Variants in ERF observed in about 807,000 individuals in gnomAD.
ERF encodes ETS2 repressor factor, also known as ETS domain-containing transcription factor ERF.
In ERF, 10 loss-of-function variants were observed where a neutral mutation model predicts 41.6. The ratio of observed to expected loss-of-function variants is 0.24; its 90% CI spans 0.15 to 0.41. The LOEUF (loss-of-function observed/expected upper bound fraction) is 0.41, where lower values mean the gene tolerates loss of function less well. Among genes scored for constraint, ERF ranks in the 10% least tolerant of loss-of-function variants. The pLI is 1.00. For missense variants in ERF, 621 were observed against 763.2 expected, an observed-to-expected ratio of 0.81 and a Z score of 2.19; for synonymous variants, 395 against 342.4, an observed-to-expected ratio of 1.15 and a Z score of -1.70.
Position 42,250,927 on chromosome 19 carries a change from G to T in ERF, c.23-362C>A, listed in dbSNP as rs916321038. ...GGCACACGTGGCCAGCCGGGTTGGGGTACAGCCCCCCAGCTTACCCCCACT... is the reference window on the plus strand; with the variant it reads ...GGCACACGTGGCCAGCCGGGTTGGGTTACAGCCCCCCAGCTTACCCCCACT... On this transcript the variant is annotated intron_variant, in intron 1 of 3. Transcript: ENST00000222329. This position sits in a 1 kb window ranked among gnomAD's most constrained non-coding sequence, Gnocchi z 5.1. 6.6e-6 allele frequency among the ~76,000 whole-genome samples: 1 copy of T among 152,092 alleles called. No individual in the cohort carries two copies. Among genetic ancestry groups the T allele is most frequent in the Non-Finnish European group, 1.5e-5 (1 of 67,998 alleles).
chr19:42,248,249 C>T lies in ERF; in HGVS notation c.*216G>A, dbSNP rs1248188322. On this transcript the variant is annotated 3_prime_UTR_variant, in exon 4 of 4. Transcript: ENST00000222329. This position sits in a 1 kb window ranked among gnomAD's most constrained non-coding sequence, Gnocchi z 4.2. ...CCACTTTGCCCAGAGCTTAGAAACCCACAGAGACAGGGAATAGCCCCTAGC... is the reference window on the plus strand; with the variant it reads ...CCACTTTGCCCAGAGCTTAGAAACCTACAGAGACAGGGAATAGCCCCTAGC... The T allele has an allele frequency of 3.9e-6, 1 of 257,744 alleles. No individual in the cohort carries two copies. The highest frequency in any genetic ancestry group is 2.3e-5 in the African/African-American group (1 of 43,684). The allele number at this position is 257,744 out of a possible 1,614,324, so 16.0% of individuals were successfully genotyped here.
At chr19:42,252,617 C>T (rs1045913961) in intron 1 of ERF, among the ~76,000 whole-genome samples, 1 of 152,164 alleles carries the variant, frequency 6.6e-6, no homozygotes, top group Admixed American at 6.5e-5. Flanking sequence ...TCCTCCAGGG[C>T]CTGGACCCTG....
intron 1 of ERF, 149 bp downstream of exon 1, chr19:42,254,829 C>T: frequency 1.1e-6 from 1 of 926,636 alleles, no homozygotes; most frequent in South Asian, 2.1e-5. Flanking sequence ...GCTCGCGCCA[C>T]GAGAAGCAAC....
In ERF at chr19:42,248,632, G is replaced by A. The variant is rs1412097931; in HGVS notation, c.1480C>T (p.Leu494Phe). 2 of 1,587,352 alleles carry A rather than the reference G, an allele frequency of 1.3e-6. No individual in the cohort carries two copies. The highest frequency in any genetic ancestry group is 1.7e-6 in the Non-Finnish European group (2 of 1,163,770). The change falls in exon 4 of 4, where the codon CTC becomes TTC. Residue 494 changes from leucine (L) to phenylalanine (F), a missense_variant. Around this residue, in one of 3 missense-constraint regions of ERF, gnomAD observed 569 missense variants for 625.5 expected, o/e 0.91. Transcript: ENST00000222329. The surrounding 1 kb of genome is among the most constrained non-coding windows in gnomAD (Gnocchi z 4.2). ...FKRRWSEDCR[L>F]EGGGGPAGGF... ...CCAGCGGGGCCCCCACCCCCTTCGA[G>A]GCGACAGTCTTCACTCCAGCGCCGC...
In ERF at chr19:42,248,304, T is replaced by C. The variant is rs921477280; in HGVS notation, c.*161A>G. 3.3e-6 allele frequency: 2 copies of C among 614,552 alleles called. No homozygotes were observed. Among genetic ancestry groups the C allele is most frequent in the African/African-American group, 3.9e-5 (2 of 51,810 alleles). The allele number at this position is 614,552 out of a possible 1,614,324, so 38.1% of individuals were successfully genotyped here. On this transcript the variant is annotated 3_prime_UTR_variant, in exon 4 of 4. Coordinates refer to ENST00000222329, the MANE Select transcript of ERF (RefSeq NM_006494.4). The surrounding 1 kb of genome is among the most constrained non-coding windows in gnomAD (Gnocchi z 4.2). ...GGCACCCACCCACCCCCACCATTTT[T>C]AAAAAAAAGAAATTAAAGTTTTATA...
At position 42,249,663 on chromosome 19, in the gene ERF, G is replaced by A; in HGVS notation, c.449C>T (p.Ser150Phe). ...SHFRFPPSTP[S>F]EVLSPTEDPR... ...GTCCTCGGTGGGGGACAGCACCTCGGAGGGCGTTGAGGGAGGGAAGCGGAA... is the reference window on the plus strand; with the variant it reads ...GTCCTCGGTGGGGGACAGCACCTCGAAGGGCGTTGAGGGAGGGAAGCGGAA... The change falls in exon 4 of 4, where the codon TCC becomes TTC. Residue 150 changes from serine to phenylalanine, a missense_variant. By Grantham distance (155) the Ser-to-Phe change is radical (BLOSUM62 -2). Around this residue, in one of 3 missense-constraint regions of ERF, gnomAD observed 569 missense variants for 625.5 expected, o/e 0.91. Coordinates refer to ENST00000222329, the MANE Select transcript of ERF (RefSeq NM_006494.4). The surrounding 1 kb of genome is among the most constrained non-coding windows in gnomAD (Gnocchi z 8.6). The A allele has an allele frequency of 6.2e-7, 1 of 1,603,422 alleles. No homozygotes were observed. The highest frequency in any genetic ancestry group is 8.5e-7 in the Non-Finnish European group (1 of 1,173,786).
chr19:42,249,754 C>T lies in ERF; in HGVS notation c.374-16G>A, dbSNP rs2036412787. 8 of 1,609,948 alleles carry T rather than the reference C, an allele frequency of 5.0e-6. No individual in the cohort carries two copies. The highest frequency in any genetic ancestry group is 1.7e-5 in the Admixed American group (1 of 59,864). On this transcript the variant is annotated splice_polypyrimidine_tract_variant and intron_variant, in intron 3 of 3. Transcript: ENST00000222329. This position sits in a 1 kb window ranked among gnomAD's most constrained non-coding sequence, Gnocchi z 8.6. ...ACTGCACCCCCTGGCAGAAGGGAGA[C>T]AGTGTCAAGGCCCCTGGCCTAGCCT...
intron 1 of ERF, among the ~76,000 whole-genome samples, chr19:42,253,529 T>C (rs867650429): frequency 4.6e-5 from 7 of 151,666 alleles, no homozygotes; most frequent in Middle Eastern, 3.4e-3. Flanking sequence ...TGAAGCGAGG[T>C]TGTCTGGGTG....
chr19:42,253,903 T>C (rs1467968269), intron 1 of ERF: 1 of 1,068,676 alleles, frequency 9.4e-7, no homozygotes, highest in Non-Finnish European at 1.1e-6. Flanking sequence ...AGGAAACAAG[T>C]TTGAACAGCG....
In ERF at chr19:42,249,342, C is replaced by A. The variant is rs986489946; in HGVS notation, c.770G>T (p.Gly257Val). ...GGAGAGCTGAGGGGGCAGCAGGGAT[C>A]CAGGACCGGCCAGAGGCGACACAGG... ...PFPVSPLAGPGSLLPPQLSPA... is the reference protein window; with the variant it reads ...PFPVSPLAGPVSLLPPQLSPA... The change falls in exon 4 of 4, where the codon GGA (glycine) becomes GTA (valine). Residue 257 changes from glycine to valine, a missense_variant. Gly to Val is a moderately radical substitution (Grantham distance 109). Coordinates refer to ENST00000222329, the MANE Select transcript of ERF (RefSeq NM_006494.4). This position sits in a 1 kb window ranked among gnomAD's most constrained non-coding sequence, Gnocchi z 8.6. 2.5e-6 allele frequency: 4 copies of A among 1,579,762 alleles called. No individual in the cohort carries two copies. The highest frequency in any genetic ancestry group is 2.3e-5 in the East Asian group (1 of 43,704).
rs751267889 is a variant in ERF, at chr19:42,249,490, G to A, written c.622C>T (p.Pro208Ser). Residue 208 changes from proline (P) to serine (S), a missense_variant, in exon 4 of 4, where the codon CCA becomes TCA. This residue lies in a region of ERF where 569 missense variants were observed against 625.5 expected (regional missense o/e 0.91). Coordinates refer to ENST00000222329, the MANE Select transcript of ERF (RefSeq NM_006494.4). This position sits in a 1 kb window ranked among gnomAD's most constrained non-coding sequence, Gnocchi z 8.6. ...GCACCCAGATCCGGAGGGCCGGGTG[G>A]TCGGGCGCGGGGATCCTCTCCCAGC... ...EPLGEDPRAR[P>S]PGPPDLGAFR... 1 of 1,610,438 alleles carries A rather than the reference G, an allele frequency of 6.2e-7. No homozygotes were observed. Among genetic ancestry groups the A allele is most frequent in the South Asian group, 1.1e-5 (1 of 90,870 alleles).
rs761007034 is a variant in ERF at position 42,249,014 on chromosome 19, T to C, written c.1098A>G (p.Ser366=). 17 of 1,610,434 alleles carry C rather than the reference T, an allele frequency of 1.1e-5. No homozygotes were observed. Among genetic ancestry groups the C allele is most frequent in the South Asian group, 6.6e-5 (6 of 91,030 alleles). ...ATGGGGAGGAAGAAGAAGAAGAGGATGACGAGGCCGAGGAGGGGACCGGTG... is the reference window on the plus strand; with the variant it reads ...ATGGGGAGGAAGAAGAAGAAGAGGACGACGAGGCCGAGGAGGGGACCGGTG... The part of the protein sequence containing the change: ...ETPPVPSSAS[S]SSSSSSSPFK... Residue 366 remains serine (S), a synonymous_variant, in exon 4 of 4, where the codon TCA becomes TCG. Transcript: ENST00000222329. The surrounding 1 kb of genome is among the most constrained non-coding windows in gnomAD (Gnocchi z 8.6).
At position 42,255,023 on chromosome 19, in the gene ERF, C is replaced by A. The variant is rs746420487; in HGVS notation, c.-24G>T. 7.1e-7 allele frequency: 1 copy of A among 1,407,822 alleles called. No homozygotes were observed. The highest frequency in any genetic ancestry group is 3.1e-5 in the Admixed American group (1 of 32,726). The allele number at this position is 1,407,822 out of a possible 1,614,324, so 87.2% of individuals were successfully genotyped here. A position where few individuals can be genotyped will look rare whatever the true frequency, so the allele number is the denominator to read the frequency against. On this transcript the variant is annotated 5_prime_UTR_variant, in exon 1 of 4. Coordinates refer to ENST00000222329, the MANE Select transcript of ERF (RefSeq NM_006494.4). ...ATGCTGGGGGGCCCGGGGCGAAGCG[C>A]CCCGATTCCGGGCCGCGGCTCCCGG...
Position 42,255,104 on chromosome 19 carries a change from C to T in ERF, c.-105G>A, listed in dbSNP as rs1051590549. The T allele has an allele frequency of 3.9e-6, 4 of 1,038,760 alleles. No homozygotes were observed. Among genetic ancestry groups the T allele is most frequent in the East Asian group, 3.5e-5 (1 of 28,922 alleles). 64.3% of individuals were successfully genotyped at this position (1,038,760 alleles called of 1,614,324 possible). The stretch of plus-strand genomic sequence containing the variant: ...CGTCGGGCCGCCCTCGCCGCCTCAC[C>T]CGGCCTCGCCTCTCAGAGCCTCTCC... On this transcript the variant is annotated 5_prime_UTR_variant, in exon 1 of 4. Coordinates refer to ENST00000222329, the MANE Select transcript of ERF (RefSeq NM_006494.4).
Position 42,248,722 on chromosome 19 carries a change from G to C in ERF, c.1390C>G (p.Pro464Ala). The C allele has an allele frequency of 6.2e-7, 1 of 1,613,596 alleles. No individual in the cohort carries two copies. Among genetic ancestry groups the C allele is most frequent in the Non-Finnish European group, 8.5e-7 (1 of 1,179,904 alleles). Residue 464 changes from proline to alanine, a missense_variant, in exon 4 of 4, where the codon CCT (proline) becomes GCT (alanine). By Grantham distance (27) the Pro-to-Ala change is conservative (BLOSUM62 -1). Around this residue, in one of 3 missense-constraint regions of ERF, gnomAD observed 569 missense variants for 625.5 expected, o/e 0.91. Coordinates refer to ENST00000222329, the MANE Select transcript of ERF (RefSeq NM_006494.4). This position sits in a 1 kb window ranked among gnomAD's most constrained non-coding sequence, Gnocchi z 4.2. Reference protein sequence around the residue: ...FKTPRAPPAPPKPEPGEAPGA... With the variant: ...FKTPRAPPAPAKPEPGEAPGA... ...GGTGCCTCGCCGGGCTCAGGCTTAG[G>C]GGGTGCAGGTGGGGCACGGGGCGTC... is the stretch of plus-strand genomic sequence containing the variant.
rs984672709 is a variant in ERF, at chr19:42,255,066, C to T, written c.-67G>A. 4.8e-6 allele frequency: 6 copies of T among 1,261,062 alleles called. No homozygotes were observed. In the African/African-American group the frequency reaches 7.8e-5, roughly 16 times the overall value. The allele number at this position is 1,261,062 out of a possible 1,614,324, so 78.1% of individuals were successfully genotyped here. The stretch of plus-strand genomic sequence containing the variant: ...GCTCCCGGCGCCCTCGCTGCCCCGT[C>T]CCGTCCCGCGCCCGTCGGGCCGCCC... On this transcript the variant is annotated 5_prime_UTR_variant, in exon 1 of 4. Coordinates refer to ENST00000222329, the MANE Select transcript of ERF (RefSeq NM_006494.4).
chr19:42,250,684 C>T lies in ERF; in HGVS notation c.23-119G>A. The T allele has an allele frequency of 1.0e-6, 1 of 953,928 alleles. No homozygotes were observed. Among genetic ancestry groups the T allele is most frequent in the Non-Finnish European group, 1.6e-6 (1 of 637,172 alleles). The allele number at this position is 953,928 out of a possible 1,614,324, so 59.1% of individuals were successfully genotyped here. On this transcript the variant is annotated intron_variant, in intron 1 of 3. Coordinates refer to ENST00000222329, the MANE Select transcript of ERF (RefSeq NM_006494.4). This position sits in a 1 kb window ranked among gnomAD's most constrained non-coding sequence, Gnocchi z 5.1. ...CATGGGGAAATCTGTCTCACCTCAG[C>T]CAAGTCAAGATCTGATTTAAGAGAA...
intron 1 of ERF, among the ~76,000 whole-genome samples, chr19:42,252,186 A>G (rs1599826477): frequency 6.6e-6 from 1 of 152,030 alleles, no homozygotes; most frequent in Non-Finnish European, 1.5e-5. Flanking sequence ...AGCTTCATGG[A>G]CCCTCATATC....
intron 1 of ERF, 121 bp downstream of exon 1, chr19:42,254,857 G>A (rs1232290894): frequency 7.6e-6 from 9 of 1,180,840 alleles, no homozygotes; most frequent in South Asian, 1.7e-5. Context: ...CAGTGCTTGA[G>A]GGGTCCCCCA....
Sources: allele counts gnomAD v4.1 joint callset (sites outside exome capture counted in the v4.1 genomes callset), GRCh38; gene constraint gnomAD v4.1.1; regional missense constraint gnomAD v4.1.1; non-coding constraint Gnocchi (gnomAD v3.1); transcripts MANE v1.5; gene names NCBI Gene and HGNC (gene_info 2026-07-23, HGNC 2026-07-21).